The following CHST11 variants were observed in gnomAD, a reference collection of about 807,000 sequenced individuals.
CHST11 encodes the protein C4S-1.
A neutral mutation model predicts 30.4 loss-of-function variants in CHST11; 9 were observed. The ratio of observed to expected loss-of-function variants is 0.30; its 90% CI spans 0.18 to 0.52. The LOEUF is 0.52. Among genes scored for constraint, CHST11 ranks in the 20% least tolerant of loss-of-function variants. The pLI is 0.97. For missense variants in CHST11, 348 were observed against 460.6 expected (o/e 0.76, Z 2.24); for synonymous variants, 152 against 187.8 (o/e 0.81, Z 1.56).
chr12:104,672,850 C>T (rs765685152), intron 2 of CHST11, among the ~76,000 whole-genome samples: 1 of 152,214 alleles, frequency 6.6e-6, no homozygotes, highest in African/African-American at 2.4e-5. Context: ...GACACCCAGG[C>T]GTGAGGATTA....
chr12:104,557,685 AG>A (rs1406664305), intron 1 of CHST11, among the ~76,000 whole-genome samples: 2 of 151,990 alleles, frequency 1.3e-5, no homozygotes, highest in African/African-American at 4.8e-5. Flanking sequence ...GTAGCGAAGG[AG>A]GGTGGATTGT....
At chr12:104,647,547 C>T (rs1399276246) in intron 2 of CHST11, among the ~76,000 whole-genome samples, 2 of 152,018 alleles carry the variant, frequency 1.3e-5, no homozygotes, top group Non-Finnish European at 2.9e-5. Context: ...TTTTTAAAAA[C>T]AAGATCACAT....
chr12:104,714,024 G>C (rs2040109347), intron 2 of CHST11, among the ~76,000 whole-genome samples: 1 of 152,112 alleles, frequency 6.6e-6, no homozygotes, highest in Admixed American at 6.5e-5. Flanking sequence ...ATGCCTCCTG[G>C]GTAGTAAGGC....
At chr12:104,523,744 C>T (rs574432599) in intron 1 of CHST11, among the ~76,000 whole-genome samples, 1 of 152,362 alleles carries the variant, frequency 6.6e-6, no homozygotes, top group East Asian at 1.9e-4. Context: ...CTGGCATTTA[C>T]TCAGCATTTT....
At chr12:104,630,731 CT>C (rs2136067248) in intron 2 of CHST11, among the ~76,000 whole-genome samples, 1 of 152,324 alleles carries the variant, frequency 6.6e-6, no homozygotes, top group East Asian at 1.9e-4. Flanking sequence ...GAAAACATCT[CT>C]TCTCAAGGCA....
At chr12:104,697,471 T>C (rs1367155873) in intron 2 of CHST11, among the ~76,000 whole-genome samples, 3 of 152,200 alleles carry the variant, frequency 2.0e-5, no homozygotes, top group African/African-American at 7.2e-5. Flanking sequence ...CTCCTGGTTC[T>C]CCGGCCCTCG....
chr12:104,574,797 T>G (rs916424643), intron 1 of CHST11, among the ~76,000 whole-genome samples: 3 of 151,256 alleles, frequency 2.0e-5, no homozygotes, highest in African/African-American at 7.3e-5. Flanking sequence ...ACATGGCACA[T>G]GTATGCCTAT....
intron 1 of CHST11, among the ~76,000 whole-genome samples, chr12:104,519,071 G>GTGTGTGTGT (rs1555229564): frequency 4.3e-5 from 6 of 139,570 alleles, no homozygotes; most frequent in Non-Finnish European, 9.3e-5. Context: ...GGACTCTTGA[G>GTGTGTGTGT]GTGTGTGTGT....
At chr12:104,745,780 A>G (rs1003075714) in intron 2 of CHST11, among the ~76,000 whole-genome samples, 2 of 152,110 alleles carry the variant, frequency 1.3e-5, no homozygotes, top group Non-Finnish European at 2.9e-5. Context: ...ATTTTTGTAC[A>G]CTGATTTTGT....
chr12:104,472,549 T>C (rs1224151873), intron 1 of CHST11, among the ~76,000 whole-genome samples: 1 of 152,194 alleles, frequency 6.6e-6, no homozygotes, highest in Non-Finnish European at 1.5e-5. Context: ...CTAGCTCCAT[T>C]CTACAGATGA....
chr12:104,517,353 G>T (rs772812958), intron 1 of CHST11, among the ~76,000 whole-genome samples: 1 of 152,196 alleles, frequency 6.6e-6, no homozygotes, highest in Non-Finnish European at 1.5e-5. Context: ...GCAGCAAGCT[G>T]TTGACAGCCT....
intron 1 of CHST11, among the ~76,000 whole-genome samples, chr12:104,539,330 T>C (rs569293000): frequency 6.6e-6 from 1 of 152,342 alleles, no homozygotes; most frequent in South Asian, 2.1e-4. Context: ...GGTACCTCCC[T>C]GGAGGCTTTA....
intron 2 of CHST11, among the ~76,000 whole-genome samples, chr12:104,739,235 G>A (rs1361517245): frequency 6.6e-6 from 1 of 152,208 alleles, no homozygotes; most frequent in Non-Finnish European, 1.5e-5. Context: ...GGGAGGCAGG[G>A]AAAGTGAAAG....
At position 104,602,899 on chromosome 12, in the gene CHST11, G is replaced by A. The variant is rs577061635; in HGVS notation, c.204+908G>A. Among the ~76,000 whole-genome samples, 52 of 152,184 alleles carry A rather than the reference G, an allele frequency of 3.4e-4. No individual in the cohort carries two copies. The South Asian group carries it at 8.9e-3, about 26-fold the overall frequency. On this transcript the variant is annotated intron_variant, in intron 2 of 2. Coordinates refer to ENST00000303694, the MANE Select transcript of CHST11 (RefSeq NM_018413.6). ...TCGAATTTTTAGAACTCTTGTAAAG[G>A]GATGCACTTGAGAACTATCTGATGC...
chr12:104,596,201 G>A (rs2038905398), intron 1 of CHST11, among the ~76,000 whole-genome samples: 1 of 152,216 alleles, frequency 6.6e-6, no homozygotes, highest in Non-Finnish European at 1.5e-5. Context: ...TGTCTTGACA[G>A]ATGGGCTGGG....
chr12:104,647,697 G>A (rs2039448304), intron 2 of CHST11, among the ~76,000 whole-genome samples: 1 of 152,130 alleles, frequency 6.6e-6, no homozygotes, highest in African/African-American at 2.4e-5. Flanking sequence ...CCCCCCAAAA[G>A]TTAGCAGCTT....
rs982395256 is a variant in CHST11, at chr12:104,755,678, C to T, written c.205-1271C>T. 6.6e-5 allele frequency among the ~76,000 whole-genome samples: 10 copies of T among 152,100 alleles called. No individual in the cohort carries two copies. In the South Asian group the frequency reaches 8.3e-4, roughly 13 times the overall value. On this transcript the variant is annotated intron_variant, in intron 2 of 2. Coordinates refer to ENST00000303694, the MANE Select transcript of CHST11 (RefSeq NM_018413.6). Reference sequence around the variant, plus strand: ...ATGCGTGCCTGTAATCCCAGCTACTCGGGGGGCTGAGGCAGGAGAATTGCT... The same window carrying T: ...ATGCGTGCCTGTAATCCCAGCTACTTGGGGGGCTGAGGCAGGAGAATTGCT...
chr12:104,485,725 A>G (rs1440870574), intron 1 of CHST11, among the ~76,000 whole-genome samples: 1 of 152,238 alleles, frequency 6.6e-6, no homozygotes, highest in Non-Finnish European at 1.5e-5. Flanking sequence ...GCCCAAAGCA[A>G]CTTTAACATT....
At chr12:104,634,568 C>G (rs189466556) in intron 2 of CHST11, among the ~76,000 whole-genome samples, 9 of 152,342 alleles carry the variant, frequency 5.9e-5, no homozygotes, top group Admixed American at 5.2e-4. Context: ...GAGGGTCTCT[C>G]CCCTCTTCAA....
Sources: gnomAD v4.1 joint callset for allele counts (sites outside exome capture counted in the v4.1 genomes callset) on GRCh38, gnomAD v4.1.1 for gene constraint, MANE v1.5 for transcripts, NCBI Gene and HGNC (gene_info 2026-07-23, HGNC 2026-07-21) for gene names.